ANTXR1: variants seen among roughly 807,000 people sequenced by gnomAD.
ANTXR1 encodes anthrax toxin receptor 1.
A neutral mutation model predicts 78.1 loss-of-function variants in ANTXR1; 19 were observed. The ratio of observed to expected loss-of-function variants is 0.24; its 90% CI spans 0.17 to 0.36. The LOEUF is 0.36. Ranked by LOEUF, ANTXR1 falls within the 10% of genes least tolerant of loss-of-function variation. The pLI is 1.00. For synonymous variants in ANTXR1, 273 were observed against 260.5 expected, an observed-to-expected ratio of 1.05 and a Z score of -0.46; for missense variants, 518 against 718.6, an observed-to-expected ratio of 0.72 and a Z score of 3.19.
chr2:69,056,765 C>G (rs946729868), intron 3 of ANTXR1, among the ~76,000 whole-genome samples: 1 of 152,178 alleles, frequency 6.6e-6, no homozygotes, highest in African/African-American at 2.4e-5. Context: ...CTTCCGCCTC[C>G]TGGGTTCAAG....
intron 17 of ANTXR1, among the ~76,000 whole-genome samples, chr2:69,227,132 CTTTT>C (rs912605536): frequency 2.0e-5 from 3 of 152,002 alleles, no homozygotes; most frequent in African/African-American, 4.8e-5. Context: ...TAACTTCATG[CTTTT>C]TTTTACTCCT....
At chr2:69,061,293 A>G (rs1159022039) in intron 3 of ANTXR1, among the ~76,000 whole-genome samples, 1 of 152,218 alleles carries the variant, frequency 6.6e-6, no homozygotes, top group East Asian at 1.9e-4. Flanking sequence ...GAATGGTTTC[A>G]TAGTCAGGGA....
chr2:69,213,441 A>G (rs546060352), intron 17 of ANTXR1, among the ~76,000 whole-genome samples: 21 of 152,376 alleles, frequency 1.4e-4, no homozygotes, highest in African/African-American at 5.0e-4. Context: ...AGTCGGTTTA[A>G]CAAAGCTATT....
chr2:69,178,139 G>A (rs781616772), intron 14 of ANTXR1, among the ~76,000 whole-genome samples: 1 of 152,216 alleles, frequency 6.6e-6, no homozygotes, highest in Non-Finnish European at 1.5e-5. Flanking sequence ...ACCCTCCAGT[G>A]CTGCCGAGTT....
intron 9 of ANTXR1, among the ~76,000 whole-genome samples, chr2:69,102,628 A>G (rs1449615583): frequency 6.6e-6 from 1 of 152,244 alleles, no homozygotes; most frequent in Non-Finnish European, 1.5e-5. Flanking sequence ...GGGAATTCAA[A>G]TAAGAAGTGA....
At chr2:69,040,700 T>A (rs1227754329) in intron 2 of ANTXR1, among the ~76,000 whole-genome samples, 2 of 152,102 alleles carry the variant, frequency 1.3e-5, no homozygotes, top group Non-Finnish European at 2.9e-5. Context: ...ATCATGGGAG[T>A]CTTGGACTTA....
intron 9 of ANTXR1, among the ~76,000 whole-genome samples, chr2:69,091,218 G>T (rs184914438): frequency 6.6e-6 from 1 of 151,898 alleles, no homozygotes; most frequent in Non-Finnish European, 1.5e-5. Flanking sequence ...GGCAGGCAGA[G>T]CCCTTGAGGT....
At chr2:69,205,366 C>T (rs1268931575) in intron 17 of ANTXR1, among the ~76,000 whole-genome samples, 1 of 152,050 alleles carries the variant, frequency 6.6e-6, no homozygotes, top group Non-Finnish European at 1.5e-5. Context: ...AGTGCAGCAG[C>T]CCCCACCTGC....
At chr2:69,230,506 G>A (rs979832232) in intron 17 of ANTXR1, among the ~76,000 whole-genome samples, 8 of 151,870 alleles carry the variant, frequency 5.3e-5, no homozygotes, top group Admixed American at 1.3e-4. Context: ...TTGATGGCAC[G>A]GCTACTTTAT....
At position 69,245,610 on chromosome 2, in the gene ANTXR1, G is replaced by A. The variant is rs1339229547; in HGVS notation, c.*125G>A. On this transcript the variant is annotated 3_prime_UTR_variant, in exon 18 of 18. Coordinates refer to ENST00000303714, the MANE Select transcript of ANTXR1 (RefSeq NM_032208.3). ...CTTCACACATTCTAAAAATTGGTTG[G>A]CAATGCCAGTATACCAACAATCATG... 7 of 1,372,642 alleles carry A rather than the reference G, an allele frequency of 5.1e-6. No individual in the cohort carries two copies. Among genetic ancestry groups the A allele is most frequent in the African/African-American group, 1.5e-5 (1 of 68,812 alleles). 85.0% of individuals were successfully genotyped at this position (1,372,642 alleles called of 1,614,324 possible). A position where few individuals can be genotyped will look rare whatever the true frequency, so the allele number is the denominator to read the frequency against.
intron 12 of ANTXR1, among the ~76,000 whole-genome samples, chr2:69,137,836 C>A (rs1389837892): frequency 3.3e-5 from 5 of 149,254 alleles, no homozygotes; most frequent in African/African-American, 1.2e-4. Context: ...ATAATCCCAG[C>A]ACTTTGGGAG....
intron 7 of ANTXR1, 90 bp from the exon 8 acceptor site, chr2:69,077,318 A>G: frequency 7.3e-7 from 1 of 1,377,504 alleles, no homozygotes; most frequent in Non-Finnish European, 1.0e-6. Context: ...GAATATAACT[A>G]GAGCCCCTTA....
intron 10 of ANTXR1, among the ~76,000 whole-genome samples, chr2:69,108,489 C>T (rs538120439): frequency 6.6e-6 from 1 of 152,328 alleles, no homozygotes; most frequent in East Asian, 1.9e-4. Flanking sequence ...ATTTTAAGTT[C>T]AGCGGGACAA....
At chr2:69,090,974 C>T in intron 9 of ANTXR1, 55 bp downstream of exon 9, 2 of 1,560,926 alleles carry the variant, frequency 1.3e-6, no homozygotes, top group Non-Finnish European at 1.8e-6. Flanking sequence ...ATTTTGAGTT[C>T]AAGTCACGTA....
intron 1 of ANTXR1, among the ~76,000 whole-genome samples, chr2:69,019,815 C>G (rs1416778941): frequency 6.6e-6 from 1 of 151,012 alleles, no homozygotes. Context: ...TCCCACTTAA[C>G]AAGTGAGAAC....
At chr2:69,193,020 G>A (rs542886220) in intron 16 of ANTXR1, among the ~76,000 whole-genome samples, 1 of 152,280 alleles carries the variant, frequency 6.6e-6, no homozygotes, top group Non-Finnish European at 1.5e-5. Context: ...GTGGTCTGAG[G>A]ATATGCCCAG....
At position 69,248,174 on chromosome 2, in the gene ANTXR1, ATT is replaced by A. The variant is rs1432673483; in HGVS notation, c.*2690_*2691del. 2 of 166,270 alleles carry A rather than the reference ATT, an allele frequency of 1.2e-5. No homozygotes were observed. Among genetic ancestry groups the A allele is most frequent in the Non-Finnish European group, 2.9e-5 (2 of 67,982 alleles). 10.3% of individuals were successfully genotyped at this position (166,270 alleles called of 1,614,324 possible). Reference sequence around the variant, plus strand: ...TATGATCAGGAAACTGCACAAAATTATTGTTTTCAGCCCCCGTGTTATTGTCC... The same window carrying A: ...TATGATCAGGAAACTGCACAAAATTAGTTTTCAGCCCCCGTGTTATTGTCC... On this transcript the variant is annotated 3_prime_UTR_variant, in exon 18 of 18. Coordinates refer to ENST00000303714, the MANE Select transcript of ANTXR1 (RefSeq NM_032208.3).
At chr2:69,124,757 C>A in intron 12 of ANTXR1, 114 bp downstream of exon 12, 2 of 1,090,684 alleles carry the variant, frequency 1.8e-6, no homozygotes, top group Non-Finnish European at 2.8e-6. Context: ...GTTCTTCGTT[C>A]TGCTTGCTGA....
intron 12 of ANTXR1, among the ~76,000 whole-genome samples, chr2:69,137,159 C>T (rs1204535098): frequency 6.6e-6 from 1 of 152,162 alleles, no homozygotes; most frequent in Non-Finnish European, 1.5e-5. Context: ...CTGTTTGTCC[C>T]TACAGCAGTC....
Sources: gnomAD v4.1 joint callset for allele counts (sites outside exome capture counted in the v4.1 genomes callset) on GRCh38, gnomAD v4.1.1 for gene constraint, MANE v1.5 for transcripts, NCBI Gene and HGNC (gene_info 2026-07-23, HGNC 2026-07-21) for gene names.